Variants in PPM1L observed in about 807,000 individuals in gnomAD.
PPM1L encodes protein phosphatase, Mg2+/Mn2+ dependent 1L, also known as protein phosphatase 1L.
In PPM1L, 13 loss-of-function variants were observed where a neutral mutation model predicts 31.4. That is an observed-to-expected ratio of 0.41 (90% CI 0.27 to 0.66). The LOEUF is 0.66. Ranked by LOEUF, PPM1L falls within the 30% of genes least tolerant of loss-of-function variation. The probability of loss-of-function intolerance (pLI) is 0.29; values close to 1 mark genes in which losing one functional copy is unlikely to be tolerated. For missense variants in PPM1L, 326 were observed against 453.7 expected (o/e 0.72, Z 2.56); for synonymous variants, 184 against 175.4 (o/e 1.05, Z -0.39).
At chr3:160,802,780 T>C (rs113770928) in intron 1 of PPM1L, among the ~76,000 whole-genome samples, 2 of 152,190 alleles carry the variant, frequency 1.3e-5, no homozygotes, top group African/African-American at 4.8e-5. Context: ...GCAAAAGCAA[T>C]AAAACTCCTG....
chr3:161,050,238 C>G (rs979614872), intron 2 of PPM1L, among the ~76,000 whole-genome samples: 1 of 152,138 alleles, frequency 6.6e-6, no homozygotes, highest in Non-Finnish European at 1.5e-5. Flanking sequence ...TCTTAAGTTA[C>G]TGAAATGACA....
chr3:160,938,136 G>A (rs757581145), intron 1 of PPM1L, among the ~76,000 whole-genome samples: 17 of 152,228 alleles, frequency 1.1e-4, no homozygotes, highest in South Asian at 2.1e-4. Flanking sequence ...TGCTGCCTTA[G>A]TTAAGGCTCA....
intron 2 of PPM1L, among the ~76,000 whole-genome samples, chr3:161,056,998 G>A (rs942914053): frequency 2.6e-5 from 4 of 152,198 alleles, no homozygotes; most frequent in African/African-American, 9.6e-5. Flanking sequence ...AGGAGGCGGA[G>A]GTTGCAGTGA....
chr3:160,950,868 A>G (rs1715556225), intron 1 of PPM1L, among the ~76,000 whole-genome samples: 1 of 152,186 alleles, frequency 6.6e-6, no homozygotes, highest in Non-Finnish European at 1.5e-5. Context: ...AGCATTCCAC[A>G]GGGAACTTTC....
At chr3:160,852,813 A>T (rs1418510946) in intron 1 of PPM1L, among the ~76,000 whole-genome samples, 1 of 152,122 alleles carries the variant, frequency 6.6e-6, no homozygotes, top group East Asian at 1.9e-4. Flanking sequence ...ACTGTATTTT[A>T]TTTCTTCTAG....
Position 160,977,127 on chromosome 3 carries a change from T to G in PPM1L, c.574+15217T>G, listed in dbSNP as rs1054345157. On this transcript the variant is annotated intron_variant, in intron 2 of 3. Coordinates refer to ENST00000498165, the MANE Select transcript of PPM1L (RefSeq NM_139245.4). ...TCTTTATTTCTGTGAAAGACACTGTTTTTTTAAGTCACCTTCTAGTGCCCA... is the reference window on the plus strand; with the variant it reads ...TCTTTATTTCTGTGAAAGACACTGTGTTTTTAAGTCACCTTCTAGTGCCCA... Among the ~76,000 whole-genome samples the G allele has an allele frequency of 3.9e-5, 6 of 152,342 alleles. 1 individual carries two copies. The South Asian group carries it at 1.0e-3, about 26-fold the overall frequency.
intron 2 of PPM1L, among the ~76,000 whole-genome samples, chr3:160,985,386 C>G (rs1183956225): frequency 6.6e-6 from 1 of 152,100 alleles, no homozygotes; most frequent in South Asian, 2.1e-4. Flanking sequence ...ACAAATAGTT[C>G]CCTTACTAAA....
intron 1 of PPM1L, among the ~76,000 whole-genome samples, chr3:160,801,670 A>G (rs1468852861): frequency 6.6e-6 from 1 of 152,150 alleles, no homozygotes; most frequent in Non-Finnish European, 1.5e-5. Flanking sequence ...GATTTTACTC[A>G]GGGGACTTCT....
intron 1 of PPM1L, among the ~76,000 whole-genome samples, chr3:160,853,033 A>G (rs1372015579): frequency 1.3e-5 from 2 of 152,098 alleles, no homozygotes; most frequent in East Asian, 1.9e-4. Flanking sequence ...GGAAGCATCC[A>G]TTTCCTGCCT....
At chr3:160,986,129 G>A (rs1301989358) in intron 2 of PPM1L, among the ~76,000 whole-genome samples, 1 of 152,210 alleles carries the variant, frequency 6.6e-6, no homozygotes. Flanking sequence ...CAACGTCTCA[G>A]TGAGAGTTCA....
chr3:161,056,647 A>G (rs1719421057), intron 2 of PPM1L, among the ~76,000 whole-genome samples: 1 of 151,808 alleles, frequency 6.6e-6, no homozygotes, highest in South Asian at 2.1e-4. Context: ...TAAGGGGTAA[A>G]TTATACTAGT....
At chr3:160,963,848 G>C (rs1716049692) in intron 2 of PPM1L, among the ~76,000 whole-genome samples, 1 of 151,968 alleles carries the variant, frequency 6.6e-6, no homozygotes, top group African/African-American at 2.4e-5. Context: ...CAAATAGTTT[G>C]GCATAGAATT....
chr3:160,762,065 T>C (rs1714982993), intron 1 of PPM1L, among the ~76,000 whole-genome samples: 2 of 152,232 alleles, frequency 1.3e-5, no homozygotes, highest in Admixed American at 6.5e-5. Context: ...TTGTATTATA[T>C]GTATTTATGT....
intron 2 of PPM1L, among the ~76,000 whole-genome samples, chr3:161,028,062 G>T (rs1191010176): frequency 6.6e-6 from 1 of 152,166 alleles, no homozygotes; most frequent in Non-Finnish European, 1.5e-5. Context: ...CCCAAAACCT[G>T]TGCTCTTAAC....
At chr3:160,887,586 C>CTT (rs1201159877) in intron 1 of PPM1L, among the ~76,000 whole-genome samples, 1 of 33,768 alleles carries the variant, frequency 3.0e-5, no homozygotes, top group African/African-American at 1.2e-4. Flanking sequence ...TTTTTTTTTT[C>CTT]TTTTTTTTTT....
intron 1 of PPM1L, among the ~76,000 whole-genome samples, chr3:160,850,435 A>G (rs940674767): frequency 6.6e-6 from 1 of 151,996 alleles, no homozygotes; most frequent in Non-Finnish European, 1.5e-5. Context: ...GTTTTTATAG[A>G]GGTTTCATTA....
intron 2 of PPM1L, among the ~76,000 whole-genome samples, chr3:161,017,994 G>A (rs1718132943): frequency 1.3e-5 from 2 of 151,868 alleles, no homozygotes; most frequent in Non-Finnish European, 2.9e-5. Context: ...ATTAATAACA[G>A]CAAGATACTT....
intron 1 of PPM1L, among the ~76,000 whole-genome samples, chr3:160,937,639 A>AAAAC (rs761147263): frequency 2.0e-5 from 3 of 152,112 alleles, no homozygotes; most frequent in Admixed American, 6.6e-5. Context: ...CAAAAAACAA[A>AAAAC]AAACAAACAA....
At chr3:160,791,558 A>G (rs1303026267) in intron 1 of PPM1L, among the ~76,000 whole-genome samples, 1 of 152,094 alleles carries the variant, frequency 6.6e-6, no homozygotes, top group Non-Finnish European at 1.5e-5. Context: ...TTGCTGTGTG[A>G]CAGGTATTGT....
Sources: allele counts gnomAD v4.1 joint callset (sites outside exome capture counted in the v4.1 genomes callset), GRCh38; gene constraint gnomAD v4.1.1; transcripts MANE v1.5; gene names NCBI Gene and HGNC (gene_info 2026-07-23, HGNC 2026-07-21).